YES1: variants seen among roughly 807,000 people sequenced by gnomAD.
The protein encoded by YES1 is YES proto-oncogene 1, Src family tyrosine kinase, also known as tyrosine-protein kinase Yes.
In YES1, 39 loss-of-function variants were observed where a neutral mutation model predicts 70.4. The ratio of observed to expected loss-of-function variants is 0.55; its 90% CI spans 0.43 to 0.72. YES1 has a LOEUF of 0.72. Ranked by LOEUF, YES1 falls within the 30% of genes least tolerant of loss-of-function variation. The pLI, the probability that YES1 is intolerant of heterozygous loss-of-function variation, is 0.00. For synonymous variants in YES1, 198 were observed against 218.6 expected (o/e 0.91, Z 0.83); for missense variants, 495 against 644.8 (o/e 0.77, Z 2.52).
intron 1 of YES1, among the ~76,000 whole-genome samples, chr18:773,184 T>A (rs1905231412): frequency 6.6e-6 from 1 of 152,258 alleles, no homozygotes; most frequent in African/African-American, 2.4e-5. Context: ...CATTAGATTT[T>A]TCTTTAATAG....
intron 10 of YES1, among the ~76,000 whole-genome samples, chr18:733,981 T>A (rs975461456): frequency 6.6e-6 from 1 of 152,084 alleles, no homozygotes; most frequent in Non-Finnish European, 1.5e-5. Flanking sequence ...AATGTTTTAT[T>A]TAAAAAGTGG....
At chr18:734,848 T>G (rs548930971) in intron 10 of YES1, among the ~76,000 whole-genome samples, 6 of 152,122 alleles carry the variant, frequency 3.9e-5, no homozygotes, top group Non-Finnish European at 8.8e-5. Context: ...AACCCACTAC[T>G]GGGTATCTTC....
intron 6 of YES1, among the ~76,000 whole-genome samples, chr18:744,744 G>A (rs2080259444): frequency 7.8e-6 from 1 of 127,760 alleles, no homozygotes; most frequent in Non-Finnish European, 1.6e-5. Flanking sequence ...ATGTTGCCCA[G>A]GCTGTTCTTG....
chr18:729,442 C>A (rs969691321), intron 11 of YES1, among the ~76,000 whole-genome samples: 5 of 150,192 alleles, frequency 3.3e-5, no homozygotes, highest in African/African-American at 4.9e-5. Flanking sequence ...TAAATAAATA[C>A]AATTTCCATT....
At chr18:772,220 C>A (rs1032521174) in intron 1 of YES1, among the ~76,000 whole-genome samples, 1 of 151,654 alleles carries the variant, frequency 6.6e-6, no homozygotes, top group African/African-American at 2.4e-5. Context: ...GTACAGACAG[C>A]GTTTCTCCAT....
At chr18:748,851 A>T (rs557508801) in intron 3 of YES1, among the ~76,000 whole-genome samples, 1 of 152,304 alleles carries the variant, frequency 6.6e-6, no homozygotes, top group African/African-American at 2.4e-5. Context: ...ATTAACAATG[A>T]GCAACAAAGT....
chr18:788,105 A>G (rs1397252527), intron 1 of YES1: 1 of 152,216 alleles, frequency 6.6e-6, no homozygotes, highest in Non-Finnish European at 1.5e-5. Flanking sequence ...TAATCTCCCA[A>G]CTATATGAAC....
intron 1 of YES1, among the ~76,000 whole-genome samples, chr18:765,610 G>C (rs1904870293): frequency 6.6e-6 from 1 of 151,884 alleles, no homozygotes; most frequent in Admixed American, 6.6e-5. Flanking sequence ...TTATTGGCCA[G>C]TCTGGTCTCG....
intron 1 of YES1, among the ~76,000 whole-genome samples, chr18:807,788 T>A (rs12962742): frequency 0.073 from 11,188 of 152,238 alleles, 543 homozygotes; most frequent in Middle Eastern, 0.11. Flanking sequence ...TTATCCCTCT[T>A]GAAGGCCTTC....
intron 1 of YES1, among the ~76,000 whole-genome samples, chr18:783,326 C>T (rs1009449983): frequency 5.3e-5 from 8 of 152,174 alleles, no homozygotes; most frequent in African/African-American, 1.4e-4. Flanking sequence ...CTAGTACATC[C>T]TAAATGTCTT....
At chr18:804,912 T>C (rs865878407) in intron 1 of YES1, among the ~76,000 whole-genome samples, 1 of 6,150 alleles carries the variant, frequency 1.6e-4, no homozygotes, top group Non-Finnish European at 3.1e-4. Context: ...AGACTCTGAC[T>C]CAAAAAAAAA....
At chr18:784,033 G>A (rs79564753) in intron 1 of YES1, among the ~76,000 whole-genome samples, 8 of 151,946 alleles carry the variant, frequency 5.3e-5, no homozygotes, top group Non-Finnish European at 1.0e-4. Flanking sequence ...ATAATACGAC[G>A]GAATTTCCCC....
chr18:784,580 C>A (rs1342219110), intron 1 of YES1, among the ~76,000 whole-genome samples: 1 of 152,224 alleles, frequency 6.6e-6, no homozygotes, highest in Non-Finnish European at 1.5e-5. Flanking sequence ...AAGGTGTCAG[C>A]AGGGCTGCAT....
chr18:736,644 A>G (rs1022542625), intron 10 of YES1, 164 bp downstream of exon 10: 5 of 911,178 alleles, frequency 5.5e-6, no homozygotes, highest in South Asian at 5.1e-5. Flanking sequence ...GGAAATAACT[A>G]TCAGAAAGCC....
rs759877624 is a variant in YES1 at position 736,798 on chromosome 18, G to A, written c.1291+10C>T. On this transcript the variant is annotated intron_variant, in intron 10 of 11. Transcript: ENST00000314574. Reference sequence around the variant, plus strand: ...ACACATTACAAGCTTTTATGTAAAAGTAATTTTACCTTGTCTTGCTGTGTA... The same window carrying A: ...ACACATTACAAGCTTTTATGTAAAAATAATTTTACCTTGTCTTGCTGTGTA... 8.1e-6 allele frequency: 13 copies of A among 1,608,176 alleles called. No homozygotes were observed. The highest frequency in any genetic ancestry group is 1.7e-5 in the Admixed American group (1 of 59,238).
chr18:805,919 G>A (rs1437403207), intron 1 of YES1, among the ~76,000 whole-genome samples: 1 of 152,130 alleles, frequency 6.6e-6, no homozygotes, highest in Admixed American at 6.6e-5. Flanking sequence ...TAAGTCAGTT[G>A]AAGAAAACCT....
chr18:796,289 ATTTC>A (rs1210796908), intron 1 of YES1, among the ~76,000 whole-genome samples: 1 of 152,174 alleles, frequency 6.6e-6, no homozygotes, highest in Non-Finnish European at 1.5e-5. Context: ...CTTGAAGCCT[ATTTC>A]TTTATCTGTA....
At chr18:728,219 G>A (rs1431024001) in intron 11 of YES1, among the ~76,000 whole-genome samples, 1 of 151,872 alleles carries the variant, frequency 6.6e-6, no homozygotes, top group Non-Finnish European at 1.5e-5. Flanking sequence ...TCAGCTACTT[G>A]GGAGGCTGAG....
At chr18:731,666 T>C (rs1351013535) in intron 11 of YES1, among the ~76,000 whole-genome samples, 6 of 152,170 alleles carry the variant, frequency 3.9e-5, no homozygotes, top group Non-Finnish European at 5.9e-5. Flanking sequence ...CTAGAAACTA[T>C]ATAAATCTCT....
Sources: allele counts gnomAD v4.1 joint callset (sites outside exome capture counted in the v4.1 genomes callset), GRCh38; gene constraint gnomAD v4.1.1; transcripts MANE v1.5; gene names NCBI Gene and HGNC (gene_info 2026-07-23, HGNC 2026-07-21).